SCD5: variants seen among roughly 807,000 people sequenced by gnomAD.
The protein encoded by SCD5 is stearoyl-CoA desaturase 5.
In SCD5, 20 loss-of-function variants were observed where a neutral mutation model predicts 30.4. That is an observed-to-expected ratio of 0.66 (90% CI 0.46 to 0.96). The LOEUF is 0.96. Among genes scored for constraint, SCD5 ranks in the 40% least tolerant of loss-of-function variants. The pLI, the probability that SCD5 is intolerant of heterozygous loss-of-function variation, is 0.00. For synonymous variants in SCD5, 173 were observed against 176.4 expected (o/e 0.98, Z 0.16); for missense variants, 381 against 443.3 (o/e 0.86, Z 1.26).
intron 2 of SCD5, among the ~76,000 whole-genome samples, chr4:82,694,189 G>C (rs1354388650): frequency 6.6e-6 from 1 of 152,122 alleles, no homozygotes; most frequent in Non-Finnish European, 1.5e-5. Flanking sequence ...GGGAACCACT[G>C]GTCACTCCAA....
intron 1 of SCD5, among the ~76,000 whole-genome samples, chr4:82,762,630 C>T (rs1050819867): frequency 6.6e-6 from 1 of 152,178 alleles, no homozygotes; most frequent in Non-Finnish European, 1.5e-5. Context: ...TAGATAAAAA[C>T]AAATATTGCC....
At chr4:82,712,257 TA>T (rs1720111136) in intron 1 of SCD5, among the ~76,000 whole-genome samples, 1 of 35,822 alleles carries the variant, frequency 2.8e-5, no homozygotes, top group African/African-American at 1.8e-4. Context: ...TATATATATA[TA>T]TATATATATA....
intron 1 of SCD5, among the ~76,000 whole-genome samples, chr4:82,747,158 C>T (rs1195581606): frequency 2.0e-5 from 3 of 151,762 alleles, no homozygotes; most frequent in African/African-American, 7.3e-5. Context: ...ACACTCCTGG[C>T]GAGGGGGAAA....
At chr4:82,693,128 C>T (rs1021513948) in intron 2 of SCD5, among the ~76,000 whole-genome samples, 3 of 152,186 alleles carry the variant, frequency 2.0e-5, no homozygotes, top group African/African-American at 7.2e-5. Flanking sequence ...GTTTGCTCTG[C>T]TCCCGATTGT....
chr4:82,674,721 T>G lies in SCD5; in HGVS notation c.569+5986A>C, dbSNP rs1386654420. ...TTACCAAACTGGGAAGCAACCAAGA[T>G]GTCCTCCACTGGGTGAATGGATAAA... On this transcript the variant is annotated intron_variant, in intron 3 of 4. Transcript: ENST00000319540. Among the ~76,000 whole-genome samples, 8 of 152,174 alleles carry G rather than the reference T, an allele frequency of 5.3e-5. 1 individual carries two copies. Among genetic ancestry groups the G allele is most frequent in the Admixed American group, 1.3e-4 (2 of 15,276 alleles).
intron 2 of SCD5, among the ~76,000 whole-genome samples, chr4:82,699,419 C>T (rs557770279): frequency 6.6e-6 from 1 of 152,116 alleles, no homozygotes; most frequent in Admixed American, 6.5e-5. Context: ...GAGACTCGCT[C>T]TGTCACCCAG....
At chr4:82,656,445 A>G (rs1727869492) in intron 3 of SCD5, among the ~76,000 whole-genome samples, 1 of 152,102 alleles carries the variant, frequency 6.6e-6, no homozygotes, top group African/African-American at 2.4e-5. Flanking sequence ...ATCTTTTTTT[A>G]TGGCTGCATA....
At chr4:82,714,444 T>C (rs1241895620) in intron 1 of SCD5, among the ~76,000 whole-genome samples, 1 of 152,124 alleles carries the variant, frequency 6.6e-6, no homozygotes, top group East Asian at 1.9e-4. Context: ...AAATCATTAC[T>C]GGGTGACAGG....
intron 1 of SCD5, among the ~76,000 whole-genome samples, chr4:82,757,205 T>A (rs1348010414): frequency 6.6e-6 from 1 of 152,164 alleles, no homozygotes; most frequent in East Asian, 1.9e-4. Context: ...TTGCAATTCA[T>A]CTCCATCCTG....
intron 2 of SCD5, among the ~76,000 whole-genome samples, chr4:82,682,985 T>G (rs2148822028): frequency 6.6e-6 from 1 of 152,298 alleles, no homozygotes; most frequent in Admixed American, 6.5e-5. Flanking sequence ...CCAGCTAATT[T>G]TTCTATTTTT....
At chr4:82,792,298 C>T (rs1722114450) in intron 1 of SCD5, among the ~76,000 whole-genome samples, 1 of 152,234 alleles carries the variant, frequency 6.6e-6, no homozygotes, top group Non-Finnish European at 1.5e-5. Context: ...ATTTGAGTCA[C>T]AAGTACTCCA....
chr4:82,762,227 A>AGAGGAGGGGAGGGGG (rs1721389842), intron 1 of SCD5, among the ~76,000 whole-genome samples: 1 of 121,996 alleles, frequency 8.2e-6, no homozygotes, highest in Admixed American at 8.6e-5. Context: ...GGGGAGGGGG[A>AGAGGAGGGGAGGGGG]GAGGAGAGGA....
chr4:82,704,744 C>T (rs1317935706), intron 2 of SCD5, among the ~76,000 whole-genome samples: 3 of 152,216 alleles, frequency 2.0e-5, no homozygotes, highest in African/African-American at 7.2e-5. Context: ...CATGACCTCG[C>T]AGGGCAACCT....
At chr4:82,712,669 G>A (rs1332250849) in intron 1 of SCD5, among the ~76,000 whole-genome samples, 3 of 152,072 alleles carry the variant, frequency 2.0e-5, no homozygotes, top group African/African-American at 7.2e-5. Flanking sequence ...CTGGCCCAGA[G>A]TCCCTGAGTG....
At chr4:82,697,933 C>A in intron 2 of SCD5, 1 of 450,232 alleles carries the variant, frequency 2.2e-6, no homozygotes, top group Non-Finnish European at 4.5e-6. Context: ...TTGCTCTTTT[C>A]TCATGACTTC....
chr4:82,713,854 CT>C (rs1720163356), intron 1 of SCD5, among the ~76,000 whole-genome samples: 1 of 152,216 alleles, frequency 6.6e-6, no homozygotes, highest in African/African-American at 2.4e-5. Flanking sequence ...CACCTCACCC[CT>C]GACACCTCCC....
chr4:82,693,284 C>A (rs985773985), intron 2 of SCD5, among the ~76,000 whole-genome samples: 1 of 152,142 alleles, frequency 6.6e-6, no homozygotes, highest in African/African-American at 2.4e-5. Context: ...TCTAGGCTGG[C>A]CTCTTCCTGG....
intron 1 of SCD5, among the ~76,000 whole-genome samples, chr4:82,735,358 G>C (rs886703936): frequency 6.6e-6 from 1 of 152,184 alleles, no homozygotes; most frequent in African/African-American, 2.4e-5. Context: ...CCTATGGTGG[G>C]ATGGTGTCCT....
At chr4:82,771,635 C>A (rs977947164) in intron 1 of SCD5, among the ~76,000 whole-genome samples, 4 of 147,482 alleles carry the variant, frequency 2.7e-5, no homozygotes, top group Non-Finnish European at 6.0e-5. Context: ...GTGTTCAAAT[C>A]TACAGCCACA....
Sources: allele counts gnomAD v4.1 joint callset (sites outside exome capture counted in the v4.1 genomes callset), GRCh38; gene constraint gnomAD v4.1.1; transcripts MANE v1.5; gene names NCBI Gene and HGNC (gene_info 2026-07-23, HGNC 2026-07-21).